NRG1: variants seen among roughly 807,000 people sequenced by gnomAD.
The protein encoded by NRG1 is pro-neuregulin-1, membrane-bound isoform.
NRG1 carries 18 observed loss-of-function variants against 63.8 expected under a neutral mutation model. The observed-to-expected ratio is 0.28, with a 90% CI of 0.19 to 0.42. NRG1 has a LOEUF of 0.42. NRG1 is among the 10% of genes least tolerant of loss of function. The probability of loss-of-function intolerance (pLI) is 1.00; values close to 1 mark genes in which losing one functional copy is unlikely to be tolerated. For synonymous variants in NRG1, 302 were observed against 301.3 expected (o/e 1.00, Z -0.02); for missense variants, 762 against 814.7 (o/e 0.94, Z 0.79).
intron 5 of NRG1, among the ~76,000 whole-genome samples, chr8:32,705,156 G>A (rs1312448338): frequency 3.5e-5 from 5 of 144,338 alleles, no homozygotes; most frequent in Middle Eastern, 3.7e-3. Context: ...TTTTTGAGAC[G>A]GAGTCTCGCT....
chr8:32,230,653 A>G (rs1027777909), intron 1 of NRG1, among the ~76,000 whole-genome samples: 11 of 152,154 alleles, frequency 7.2e-5, no homozygotes, highest in African/African-American at 2.7e-4. Flanking sequence ...GAGTCACGTC[A>G]TTGCAGTAAA....
chr8:31,694,444 A>G (rs977714957), intron 1 of NRG1, among the ~76,000 whole-genome samples: 4 of 152,218 alleles, frequency 2.6e-5, no homozygotes, highest in African/African-American at 9.7e-5. Flanking sequence ...CCAAGTATAT[A>G]TCAATTTTTC....
rs560311436 is a variant in NRG1, at chr8:31,773,564, G to A, written c.37+134133G>A. On this transcript the variant is annotated intron_variant, in intron 1 of 10. Transcript: ENST00000519301. ...CATTGACTCTTGCTCCTCCATAGTC[G>A]GTGCTCCACACAACAGCCAGAGGGA... 3.8e-4 allele frequency among the ~76,000 whole-genome samples: 58 copies of A among 152,098 alleles called. 1 individual carries two copies. The highest frequency in any genetic ancestry group is 9.2e-4 in the Admixed American group (14 of 15,280).
chr8:32,312,153 GTTTGTTTTTT>G (rs1285109400), intron 1 of NRG1, among the ~76,000 whole-genome samples: 3 of 98,206 alleles, frequency 3.1e-5, no homozygotes, highest in African/African-American at 3.8e-5. Context: ...ATTTGACCTT[GTTTGTTTTTT>G]TTTTTTTTTT....
chr8:31,949,322 G>A (rs1803108199), intron 1 of NRG1, among the ~76,000 whole-genome samples: 1 of 151,960 alleles, frequency 6.6e-6, no homozygotes, highest in Non-Finnish European at 1.5e-5. Context: ...GCTGTCTTTT[G>A]CCCCCTCTCA....
At chr8:31,680,876 G>T (rs1173863897) in intron 1 of NRG1, among the ~76,000 whole-genome samples, 1 of 152,096 alleles carries the variant, frequency 6.6e-6, no homozygotes, top group East Asian at 1.9e-4. Context: ...GCTCATTCCT[G>T]CCCGCACACA....
At chr8:31,789,745 A>G (rs1052794755) in intron 1 of NRG1, among the ~76,000 whole-genome samples, 1 of 152,120 alleles carries the variant, frequency 6.6e-6, no homozygotes, top group Non-Finnish European at 1.5e-5. Flanking sequence ...TTTTGTTTCC[A>G]TTGCTATGAT....
chr8:32,749,542 C>G, intron 7 of NRG1: 1 of 1,612,986 alleles, frequency 6.2e-7, no homozygotes, highest in East Asian at 2.2e-5. Flanking sequence ...TTTTTTTTGT[C>G]AACTTTCTGC....
At chr8:31,908,620 T>G (rs2129616874) in intron 1 of NRG1, among the ~76,000 whole-genome samples, 1 of 152,322 alleles carries the variant, frequency 6.6e-6, no homozygotes, top group East Asian at 1.9e-4. Flanking sequence ...TCATTCTACA[T>G]TTGTATTTCA....
intron 5 of NRG1, among the ~76,000 whole-genome samples, chr8:32,688,932 C>T (rs1490929289): frequency 1.3e-5 from 2 of 152,078 alleles, no homozygotes; most frequent in Non-Finnish European, 2.9e-5. Context: ...TCTTATATTG[C>T]CTAGGCTCTG....
chr8:31,833,935 A>G (rs924486849), intron 1 of NRG1, among the ~76,000 whole-genome samples: 1 of 152,140 alleles, frequency 6.6e-6, no homozygotes, highest in Non-Finnish European at 1.5e-5. Context: ...TGGCAAATCA[A>G]TAGGGGAGAT....
chr8:31,943,271 A>T (rs1476807892), intron 1 of NRG1, among the ~76,000 whole-genome samples: 2 of 152,194 alleles, frequency 1.3e-5, no homozygotes, highest in African/African-American at 4.8e-5. Context: ...TTCTAATTGA[A>T]GTAACTCAGG....
intron 1 of NRG1, among the ~76,000 whole-genome samples, chr8:31,712,266 T>C (rs1475744860): frequency 4.3e-4 from 5 of 11,684 alleles, no homozygotes; most frequent in South Asian, 0.033. Flanking sequence ...TTTTTTTTTT[T>C]TTTTTTTTTT....
At chr8:32,080,583 C>A (rs367912629) in intron 1 of NRG1, among the ~76,000 whole-genome samples, 1 of 152,112 alleles carries the variant, frequency 6.6e-6, no homozygotes, top group South Asian at 2.1e-4. Context: ...AGGCTCCTTC[C>A]ACTCTCAGAG....
chr8:31,900,797 A>C (rs2129615260), intron 1 of NRG1, among the ~76,000 whole-genome samples: 2 of 152,292 alleles, frequency 1.3e-5, no homozygotes, highest in East Asian at 3.9e-4. Context: ...ATAGCAATCA[A>C]GAATTTGCCA....
At chr8:31,659,425 C>A (rs1805748358) in intron 1 of NRG1, among the ~76,000 whole-genome samples, 1 of 152,074 alleles carries the variant, frequency 6.6e-6, no homozygotes, top group African/African-American at 2.4e-5. Context: ...AACCATGCAA[C>A]CATGCGACAA....
At chr8:31,907,649 G>T (rs935250423) in intron 1 of NRG1, among the ~76,000 whole-genome samples, 7 of 152,096 alleles carry the variant, frequency 4.6e-5, no homozygotes, top group Admixed American at 1.3e-4. Context: ...TTTCCCAAAA[G>T]AATTTGATGC....
chr8:31,679,815 A>C (rs1057249960), intron 1 of NRG1, among the ~76,000 whole-genome samples: 29 of 152,216 alleles, frequency 1.9e-4, no homozygotes, highest in African/African-American at 6.5e-4. Flanking sequence ...TAACCATCCC[A>C]AAAAAATACA....
At chr8:31,723,252 A>T (rs1312257507) in intron 1 of NRG1, among the ~76,000 whole-genome samples, 1 of 152,154 alleles carries the variant, frequency 6.6e-6, no homozygotes, top group African/African-American at 2.4e-5. Context: ...AGCACAGTTC[A>T]TCCTGTTGGT....
Sources: gnomAD v4.1 joint callset for allele counts (sites outside exome capture counted in the v4.1 genomes callset) on GRCh38, gnomAD v4.1.1 for gene constraint, MANE v1.5 for transcripts, NCBI Gene and HGNC (gene_info 2026-07-23, HGNC 2026-07-21) for gene names.